CNTN5: variants seen among roughly 807,000 people sequenced by gnomAD.
CNTN5 encodes contactin-5.
A neutral mutation model predicts 129.1 loss-of-function variants in CNTN5; 77 were observed. The ratio of observed to expected loss-of-function variants is 0.60; its 90% CI spans 0.50 to 0.72. The LOEUF (loss-of-function observed/expected upper bound fraction) is 0.72. Ranked by LOEUF, CNTN5 falls within the 30% of genes least tolerant of loss-of-function variation. The pLI, the probability that CNTN5 is intolerant of heterozygous loss-of-function variation, is 0.00. For synonymous variants in CNTN5, 509 were observed against 465.6 expected (o/e 1.09, Z -1.20); for missense variants, 1,478 against 1,328.8 (o/e 1.11, Z -1.75).
chr11:99,838,182 T>C (rs1257938515), intron 4 of CNTN5, among the ~76,000 whole-genome samples: 1 of 152,150 alleles, frequency 6.6e-6, no homozygotes, highest in Admixed American at 6.5e-5. Flanking sequence ...CAATAATCTG[T>C]TATGACCTCA....
At chr11:99,713,531 C>T (rs141900544) in intron 3 of CNTN5, among the ~76,000 whole-genome samples, 1 of 151,504 alleles carries the variant, frequency 6.6e-6, no homozygotes, top group African/African-American at 2.4e-5. Flanking sequence ...TTCCTTAAGC[C>T]CATCCTCTAT....
rs150002223 is a variant in CNTN5, at chr11:100,179,317, C to A, written c.1581-11809C>A. The stretch of plus-strand genomic sequence containing the variant: ...AATTTTTAACCTGTAGCATTTGGAT[C>A]ATGAGCATCAGATATTGGGCCAGTT... On this transcript the variant is annotated intron_variant, in intron 13 of 24. Transcript: ENST00000524871. 5.9e-3 allele frequency among the ~76,000 whole-genome samples: 893 copies of A among 152,134 alleles called. 1 individual carries two copies. The highest frequency in any genetic ancestry group is 9.1e-3 in the Non-Finnish European group (619 of 68,000).
intron 13 of CNTN5, among the ~76,000 whole-genome samples, chr11:100,113,337 G>A (rs1423645973): frequency 7.5e-6 from 1 of 133,994 alleles, no homozygotes; most frequent in Non-Finnish European, 1.6e-5. Context: ...GTATCGCCAT[G>A]TAACCTGAAA....
At chr11:99,064,472 C>T (rs74968399) in intron 1 of CNTN5, among the ~76,000 whole-genome samples, 3,716 of 152,146 alleles carry the variant, frequency 0.024, 158 homozygotes, top group African/African-American at 0.083. Flanking sequence ...GAGGTTTTAT[C>T]AGAGAACAGT....
intron 18 of CNTN5, among the ~76,000 whole-genome samples, chr11:100,287,464 A>T (rs1031920701): frequency 2.7e-5 from 4 of 148,114 alleles, no homozygotes; most frequent in African/African-American, 1.0e-4. Flanking sequence ...AACATTCTTA[A>T]AGGAAAGAAT....
At chr11:99,892,328 TA>T (rs1212879542) in intron 6 of CNTN5, among the ~76,000 whole-genome samples, 2 of 152,208 alleles carry the variant, frequency 1.3e-5, no homozygotes, top group African/African-American at 4.8e-5. Flanking sequence ...CTCTTTAGTT[TA>T]ATTAGATCCC....
chr11:99,432,289 C>T (rs932884068), intron 2 of CNTN5, among the ~76,000 whole-genome samples: 1 of 152,030 alleles, frequency 6.6e-6, no homozygotes, highest in Non-Finnish European at 1.5e-5. Flanking sequence ...TTGGAGGAGA[C>T]AATTAAGAGA....
intron 3 of CNTN5, among the ~76,000 whole-genome samples, chr11:99,741,659 C>T (rs1015932470): frequency 7.9e-5 from 12 of 152,142 alleles, no homozygotes; most frequent in African/African-American, 2.4e-4. Flanking sequence ...TTAACCCAGA[C>T]AGGAGATTTC....
chr11:99,576,506 T>C (rs1443163095), intron 3 of CNTN5, among the ~76,000 whole-genome samples: 2 of 152,218 alleles, frequency 1.3e-5, no homozygotes, highest in Non-Finnish European at 2.9e-5. Flanking sequence ...TGAATACTAC[T>C]CTGAGTAAGG....
chr11:99,651,588 T>G (rs1198013463), intron 3 of CNTN5, among the ~76,000 whole-genome samples: 2 of 151,980 alleles, frequency 1.3e-5, no homozygotes, highest in African/African-American at 4.8e-5. Flanking sequence ...AAATATTTTG[T>G]TTTATTTTTA....
At chr11:99,461,705 G>A (rs1944705497) in intron 2 of CNTN5, among the ~76,000 whole-genome samples, 1 of 152,032 alleles carries the variant, frequency 6.6e-6, no homozygotes, top group African/African-American at 2.4e-5. Flanking sequence ...TGTTTGATTA[G>A]CATTTTTTTT....
chr11:100,258,096 A>T (rs140480101), intron 17 of CNTN5, among the ~76,000 whole-genome samples: 21 of 152,302 alleles, frequency 1.4e-4, no homozygotes, highest in Middle Eastern at 3.4e-3. Flanking sequence ...AACATAAATG[A>T]CCTGATGGAA....
At chr11:99,899,770 T>C (rs1949305453) in intron 6 of CNTN5, among the ~76,000 whole-genome samples, 1 of 152,124 alleles carries the variant, frequency 6.6e-6, no homozygotes, top group Admixed American at 6.5e-5. Flanking sequence ...ACATTCCTTC[T>C]CCTTGATTTT....
At chr11:100,070,401 G>C in intron 10 of CNTN5, 23 bp from the exon 11 acceptor site, 1 of 1,598,004 alleles carries the variant, frequency 6.3e-7, no homozygotes, top group Non-Finnish European at 8.5e-7. Context: ...AATCATCCTT[G>C]TTTACTGCTT....
intron 1 of CNTN5, among the ~76,000 whole-genome samples, chr11:99,156,264 G>A (rs1357306804): frequency 6.6e-6 from 1 of 151,920 alleles, no homozygotes. Context: ...GAAATTTGCA[G>A]AAAAAGAAAT....
chr11:99,484,647 C>A (rs1333695797), intron 2 of CNTN5, among the ~76,000 whole-genome samples: 2 of 151,408 alleles, frequency 1.3e-5, no homozygotes, highest in African/African-American at 2.4e-5. Flanking sequence ...AGGTGTCCAA[C>A]AATGGATGAA....
At chr11:99,388,414 C>CAAAAAAAAAA (rs10652309) in intron 2 of CNTN5, among the ~76,000 whole-genome samples, 3 of 121,858 alleles carry the variant, frequency 2.5e-5, no homozygotes, top group Non-Finnish European at 1.6e-5. Flanking sequence ...AACCCGGTCT[C>CAAAAAAAAAA]AAAAAAAAAA....
intron 3 of CNTN5, among the ~76,000 whole-genome samples, chr11:99,652,858 C>A (rs1482320185): frequency 6.6e-6 from 1 of 152,010 alleles, no homozygotes; most frequent in Non-Finnish European, 1.5e-5. Context: ...TAAACAATCT[C>A]TAACCCTGAA....
At position 99,868,385 on chromosome 11, in the gene CNTN5, A is replaced by C. The variant is rs1207151514; in HGVS notation, c.577+23123A>C. 2.6e-5 allele frequency among the ~76,000 whole-genome samples: 4 copies of C among 152,190 alleles called. No individual in the cohort carries two copies. The East Asian group carries it at 5.8e-4, about 22-fold the overall frequency. On this transcript the variant is annotated intron_variant, in intron 6 of 24. Transcript: ENST00000524871. ...TACTGTGCTTATTGCTTTGTATACA[A>C]TAGTTGTTTTAATTTTCAAAACAAC... is the stretch of plus-strand genomic sequence containing the variant.
Sources: gnomAD v4.1 joint callset for allele counts (sites outside exome capture counted in the v4.1 genomes callset) on GRCh38, gnomAD v4.1.1 for gene constraint, MANE v1.5 for transcripts, NCBI Gene and HGNC (gene_info 2026-07-23, HGNC 2026-07-21) for gene names.